Variants in PDK2 observed in about 807,000 individuals in gnomAD.
The protein encoded by PDK2 is pyruvate dehydrogenase kinase, isozyme 2.
A neutral mutation model predicts 50.4 loss-of-function variants in PDK2; 34 were observed. The ratio of observed to expected loss-of-function variants is 0.68; its 90% CI spans 0.51 to 0.90. The LOEUF (loss-of-function observed/expected upper bound fraction) is 0.90, where lower values mean the gene tolerates loss of function less well. Among genes scored for constraint, PDK2 ranks in the 40% least tolerant of loss-of-function variants. The pLI is 0.00. For missense variants in PDK2, 377 were observed against 544.5 expected, an observed-to-expected ratio of 0.69 and a Z score of 3.06; for synonymous variants, 232 against 216.0, an observed-to-expected ratio of 1.07 and a Z score of -0.65.
intron 2 of PDK2, among the ~76,000 whole-genome samples, chr17:50,099,531 C>T (rs369871142): frequency 1.3e-5 from 2 of 152,258 alleles, no homozygotes; most frequent in African/African-American, 2.4e-5. Flanking sequence ...CGGTGGCTCA[C>T]GCCTGTAATC....
At chr17:50,102,957 T>C (rs1910313807) in intron 2 of PDK2, among the ~76,000 whole-genome samples, 1 of 152,224 alleles carries the variant, frequency 6.6e-6, no homozygotes, top group African/African-American at 2.4e-5. Flanking sequence ...GCTTACTATG[T>C]GGCCTGGGGC....
chr17:50,096,296 G>C (rs1020174730), intron 1 of PDK2: 1 of 985,330 alleles, frequency 1.0e-6, no homozygotes, highest in Admixed American at 6.1e-5. Context: ...GGTCAGGATC[G>C]CCCACTACCA....
intron 4 of PDK2, 39 bp downstream of exon 4, chr17:50,106,108 G>A (rs1043875945): frequency 1.3e-6 from 2 of 1,558,224 alleles, no homozygotes; most frequent in African/African-American, 1.4e-5. Flanking sequence ...GGGCGGTGGG[G>A]GGGGCGGTGC....
chr17:50,107,962 C>T, intron 6 of PDK2, 194 bp from the exon 7 acceptor site: 1 of 613,864 alleles, frequency 1.6e-6, no homozygotes, highest in Non-Finnish European at 2.9e-6. Flanking sequence ...GTGTGGAAAG[C>T]AGGGCCCAAG....
At chr17:50,095,678 T>G (rs998749647) in intron 1 of PDK2, 125 bp downstream of exon 1, 1 of 1,467,172 alleles carries the variant, frequency 6.8e-7, no homozygotes. Flanking sequence ...TTTGGAAAGG[T>G]ACAGGCAGGA....
intron 2 of PDK2, among the ~76,000 whole-genome samples, chr17:50,103,950 A>ACC (rs1046858018): frequency 6.6e-6 from 1 of 152,148 alleles, no homozygotes; most frequent in African/African-American, 2.4e-5. Flanking sequence ...AGCACTGTGG[A>ACC]CATGGGAATG....
intron 2 of PDK2, among the ~76,000 whole-genome samples, chr17:50,099,798 TGAAA>T (rs1294367841): frequency 4.6e-5 from 7 of 152,078 alleles, no homozygotes; most frequent in Admixed American, 6.5e-5. Flanking sequence ...GTCTCAAAAA[TGAAA>T]GAAAGAAAGA....
intron 2 of PDK2, among the ~76,000 whole-genome samples, chr17:50,102,888 G>A (rs1322817338): frequency 1.3e-5 from 2 of 152,184 alleles, no homozygotes; most frequent in African/African-American, 2.4e-5. Flanking sequence ...CGTGTTGGCC[G>A]TTGGCCACGT....
intron 4 of PDK2, chr17:50,106,378 G>T: frequency 3.7e-6 from 2 of 537,278 alleles, no homozygotes; most frequent in Non-Finnish European, 6.0e-6. Flanking sequence ...ACAATTTGTT[G>T]TTTAGAGTTT....
In PDK2 at chr17:50,095,572, G is replaced by A; in HGVS notation, c.118+19G>A. ...GACTTCGGTACGGAGTGGGCGGGAG[G>A]CGGCTGGCAGCGGAGGCCGGCGGGG... On this transcript the variant is annotated intron_variant, in intron 1 of 10. Coordinates refer to ENST00000503176, the MANE Select transcript of PDK2 (RefSeq NM_002611.5). 6.3e-7 allele frequency: 1 copy of A among 1,579,390 alleles called. No homozygotes were observed. Among genetic ancestry groups the A allele is most frequent in the South Asian group, 1.1e-5 (1 of 87,376 alleles).
chr17:50,104,423 G>C (rs1161693936), intron 2 of PDK2: 2 of 152,254 alleles, frequency 1.3e-5, no homozygotes, highest in African/African-American at 4.8e-5. Context: ...GCTAATTTTT[G>C]CATGTTTAGT....
chr17:50,094,789 A>C (rs1332370726), upstream of PDK2: 1 of 152,260 alleles, frequency 6.6e-6, no homozygotes, highest in Non-Finnish European at 1.5e-5. Flanking sequence ...GCATATATAC[A>C]GGACGGATTC....
chr17:50,110,157 G>T lies in PDK2; in HGVS notation c.*60G>T. The T allele has an allele frequency of 6.7e-7, 1 of 1,500,582 alleles. No homozygotes were observed. The highest frequency in any genetic ancestry group is 8.9e-7 in the Non-Finnish European group (1 of 1,117,380). The allele number at this position is 1,500,582 out of a possible 1,614,324, so 93.0% of individuals were successfully genotyped here. On this transcript the variant is annotated 3_prime_UTR_variant, in exon 11 of 11. Transcript: ENST00000503176. Reference sequence around the variant, plus strand: ...TGCCGCCTCTGGGTCCCCCCACCGTGGTGCCCCTCACCATCCTCCTGGGGG... The same window carrying T: ...TGCCGCCTCTGGGTCCCCCCACCGTTGTGCCCCTCACCATCCTCCTGGGGG...
At chr17:50,106,406 C>A in intron 4 of PDK2, 1 of 418,922 alleles carries the variant, frequency 2.4e-6, no homozygotes, top group Non-Finnish European at 3.9e-6. Context: ...CAGGAGGATT[C>A]ACTATGATTT....
chr17:50,095,136 G>A (rs767741272), upstream of PDK2: 45 of 348,170 alleles, frequency 1.3e-4, no homozygotes, highest in Non-Finnish European at 2.1e-4. Context: ...AGTGAACACA[G>A]GGGAGGTGGG....
chr17:50,095,581 A>C (rs1341081934), intron 1 of PDK2, 28 bp downstream of exon 1: 1 of 1,569,532 alleles, frequency 6.4e-7, no homozygotes, highest in Admixed American at 1.8e-5. Context: ...GGCGGCTGGC[A>C]GCGGAGGCCG....
At chr17:50,102,691 C>G (rs1910300185) in intron 2 of PDK2, among the ~76,000 whole-genome samples, 1 of 152,204 alleles carries the variant, frequency 6.6e-6, no homozygotes, top group Non-Finnish European at 1.5e-5. Flanking sequence ...CCACATAGGC[C>G]TGGATGAGAG....
intron 3 of PDK2, 90 bp from the exon 4 acceptor site, chr17:50,105,795 G>A: frequency 2.0e-6 from 3 of 1,497,224 alleles, no homozygotes; most frequent in Non-Finnish European, 2.7e-6. Context: ...ATTGGGAAGG[G>A]TAGAGCGGGT....
intron 3 of PDK2, 26 bp from the exon 4 acceptor site, chr17:50,105,859 A>G (rs373959909): frequency 2.5e-5 from 40 of 1,609,396 alleles, no homozygotes; most frequent in Non-Finnish European, 3.3e-5. Flanking sequence ...GGGGTGTCCC[A>G]TGTGAACATC....
Sources: gnomAD v4.1 joint callset for allele counts (sites outside exome capture counted in the v4.1 genomes callset) on GRCh38, gnomAD v4.1.1 for gene constraint, MANE v1.5 for transcripts, NCBI Gene and HGNC (gene_info 2026-07-23, HGNC 2026-07-21) for gene names.